The following UBE2D1 variants were observed in gnomAD, a reference collection of about 807,000 sequenced individuals.
The protein encoded by UBE2D1 is ubiquitin conjugating enzyme E2 D1, also known as ubiquitin-conjugating enzyme E2 D1.
In UBE2D1, 9 loss-of-function variants were observed where a neutral mutation model predicts 24.6. The ratio of observed to expected loss-of-function variants is 0.37; its 90% CI spans 0.22 to 0.64. UBE2D1 has a LOEUF of 0.64. Among genes scored for constraint, UBE2D1 ranks in the 30% least tolerant of loss-of-function variants. The pLI, the probability that UBE2D1 is intolerant of heterozygous loss-of-function variation, is 0.64. For missense variants in UBE2D1, 87 were observed against 177.1 expected, an observed-to-expected ratio of 0.49 and a Z score of 2.89; for synonymous variants, 57 against 57.6, an observed-to-expected ratio of 0.99 and a Z score of 0.04.
In UBE2D1 at chr10:58,361,021, T is replaced by C. The variant is rs1010097598; in HGVS notation, c.25-317T>C. 5.0e-5 allele frequency: 24 copies of C among 476,928 alleles called. No individual in the cohort carries two copies. The Middle Eastern group carries it at 9.5e-4, about 19-fold the overall frequency. The allele number at this position is 476,928 out of a possible 1,614,324, so 29.5% of individuals were successfully genotyped here. ...TTAAAATAGTACCTGTTTTCTGATA[T>C]ATTATCAACCTAGCATTTACATAAA... On this transcript the variant is annotated intron_variant, in intron 1 of 6. Coordinates refer to ENST00000373910, the MANE Select transcript of UBE2D1 (RefSeq NM_003338.5).
At position 58,335,242 on chromosome 10, in the gene UBE2D1, G is replaced by T; in HGVS notation, c.24+17G>T. On this transcript the variant is annotated intron_variant, in intron 1 of 6. Transcript: ENST00000373910. ...ATTCAGAAAGTGAGTGCCGGGGCCG[G>T]GCCTGGGGCTGCGGGGCAGCGGCCC... 1 of 1,529,792 alleles carries T rather than the reference G, an allele frequency of 6.5e-7. No individual in the cohort carries two copies. Among genetic ancestry groups the T allele is most frequent in the Non-Finnish European group, 8.8e-7 (1 of 1,140,472 alleles). 94.8% of individuals were successfully genotyped at this position (1,529,792 alleles called of 1,614,324 possible). A position where few individuals can be genotyped will look rare whatever the true frequency, so the allele number is the denominator to read the frequency against.
chr10:58,362,396 A>AT (rs1378146930), intron 3 of UBE2D1, among the ~76,000 whole-genome samples: 2 of 152,212 alleles, frequency 1.3e-5, no homozygotes, highest in East Asian at 3.8e-4. Flanking sequence ...GTTGTCTCAA[A>AT]TTATTGTTTT....
intron 1 of UBE2D1, among the ~76,000 whole-genome samples, chr10:58,351,063 C>A (rs1184022118): frequency 1.3e-5 from 2 of 152,116 alleles, no homozygotes; most frequent in African/African-American, 2.4e-5. Flanking sequence ...GGGCACTTAC[C>A]ATAAATGGAG....
intron 5 of UBE2D1, among the ~76,000 whole-genome samples, chr10:58,365,259 C>G (rs1296912660): frequency 6.6e-6 from 1 of 151,906 alleles, no homozygotes; most frequent in Non-Finnish European, 1.5e-5. Context: ...TGCTTGAGCC[C>G]GAGTTCGAGA....
chr10:58,362,922 T>A (rs1840216116), intron 3 of UBE2D1, among the ~76,000 whole-genome samples: 2 of 152,068 alleles, frequency 1.3e-5, no homozygotes, highest in Admixed American at 1.3e-4. Flanking sequence ...TTTTTTAAAA[T>A]TTTTTTGCTT....
chr10:58,350,617 A>G (rs1433222255), intron 1 of UBE2D1, among the ~76,000 whole-genome samples: 1 of 152,028 alleles, frequency 6.6e-6, no homozygotes, highest in African/African-American at 2.4e-5. Flanking sequence ...ATCAAGTCCA[A>G]ATTTTTCATT....
At chr10:58,344,185 C>T (rs1407063252) in intron 1 of UBE2D1, among the ~76,000 whole-genome samples, 4 of 152,196 alleles carry the variant, frequency 2.6e-5, no homozygotes, top group Non-Finnish European at 1.5e-5. Context: ...CTTCACTTAT[C>T]ACACTTTTGT....
At chr10:58,336,027 T>C (rs1368462666) in intron 1 of UBE2D1, among the ~76,000 whole-genome samples, 3 of 152,220 alleles carry the variant, frequency 2.0e-5, no homozygotes, top group African/African-American at 7.2e-5. Flanking sequence ...GGGTATAGAA[T>C]GAGGAAGAAA....
Position 58,335,040 on chromosome 10 carries a change from G to C in UBE2D1, c.-162G>C, listed in dbSNP as rs574194334. ...CGCACACTCGCGCTCGGGCGCACAC[G>C]GAGCAGGGACCGGCGCCCGGAGCGA... On this transcript the variant is annotated 5_prime_UTR_variant, in exon 1 of 7. Coordinates refer to ENST00000373910, the MANE Select transcript of UBE2D1 (RefSeq NM_003338.5). The C allele has an allele frequency of 6.0e-6, 4 of 664,512 alleles. No homozygotes were observed. Among genetic ancestry groups the C allele is most frequent in the Admixed American group, 6.8e-5 (2 of 29,544 alleles). 41.2% of individuals were successfully genotyped at this position (664,512 alleles called of 1,614,324 possible). A position where few individuals can be genotyped will look rare whatever the true frequency, so the allele number is the denominator to read the frequency against.
At chr10:58,357,506 T>TA in intron 1 of UBE2D1, among the ~76,000 whole-genome samples, 1 of 152,300 alleles carries the variant, frequency 6.6e-6, no homozygotes. Context: ...TGTCTAGTTG[T>TA]AGTTTCTATT....
intron 1 of UBE2D1, among the ~76,000 whole-genome samples, chr10:58,338,136 C>T (rs1839922994): frequency 6.6e-6 from 1 of 152,068 alleles, no homozygotes; most frequent in Non-Finnish European, 1.5e-5. Context: ...TGTGAGCCAC[C>T]ACACCCGGCC....
intron 1 of UBE2D1, among the ~76,000 whole-genome samples, chr10:58,335,670 G>GGGGT (rs1341538829): frequency 6.6e-6 from 1 of 152,208 alleles, no homozygotes; most frequent in Non-Finnish European, 1.5e-5. Flanking sequence ...CAAGGAAGGT[G>GGGGT]GGGTGGGCCT....
At chr10:58,337,065 G>T (rs1395691157) in intron 1 of UBE2D1, among the ~76,000 whole-genome samples, 1 of 151,936 alleles carries the variant, frequency 6.6e-6, no homozygotes, top group Non-Finnish European at 1.5e-5. Flanking sequence ...TAGTGTATTT[G>T]ATTTATATTT....
rs774396274 is a variant in UBE2D1, at chr10:58,347,639, C to CTTTT, written c.24+12431_24+12434dup. On this transcript the variant is annotated intron_variant, in intron 1 of 6. Transcript: ENST00000373910. ...TCAAGCTTTTATTCTAAATTACACTCTTTTTTTTTTTTTTTTTTTTGCCCC... is the reference window on the plus strand; with the variant it reads ...TCAAGCTTTTATTCTAAATTACACTCTTTTTTTTTTTTTTTTTTTTTTTTGCCCC... Among the ~76,000 whole-genome samples the CTTTT allele has an allele frequency of 1.3e-3, 150 of 116,218 alleles. 4 individuals carry two copies. Among genetic ancestry groups the CTTTT allele is most frequent in the South Asian group, 0.012 (43 of 3,550 alleles). 76.2% of individuals were successfully genotyped at this position (116,218 alleles called of 152,430 possible). A position where few individuals can be genotyped will look rare whatever the true frequency, so the allele number is the denominator to read the frequency against.
At chr10:58,340,481 G>A (rs1588996058) in intron 1 of UBE2D1, among the ~76,000 whole-genome samples, 1 of 152,220 alleles carries the variant, frequency 6.6e-6, no homozygotes, top group East Asian at 1.9e-4. Flanking sequence ...GAAGAGAACA[G>A]CCACATTCCC....
At chr10:58,355,959 A>G (rs986505652) in intron 1 of UBE2D1, among the ~76,000 whole-genome samples, 1 of 152,160 alleles carries the variant, frequency 6.6e-6, no homozygotes, top group Admixed American at 6.6e-5. Flanking sequence ...AATCTGTGAC[A>G]GTACCTCAGT....
intron 1 of UBE2D1, among the ~76,000 whole-genome samples, chr10:58,340,036 T>G (rs960446277): frequency 1.1e-4 from 17 of 152,176 alleles, no homozygotes; most frequent in African/African-American, 3.1e-4. Context: ...GTATGAAAAT[T>G]TAGTTTTCAA....
In UBE2D1 at chr10:58,335,158, A is replaced by C; in HGVS notation, c.-44A>C. 1 of 1,536,026 alleles carries C rather than the reference A, an allele frequency of 6.5e-7. No individual in the cohort carries two copies. Among genetic ancestry groups the C allele is most frequent in the East Asian group, 2.5e-5 (1 of 39,618 alleles). ...GACGACCCACGCCCCTGAGCCCCGCAGCCGACCCCTGCCGGCCGGTGTCCC... is the reference window on the plus strand; with the variant it reads ...GACGACCCACGCCCCTGAGCCCCGCCGCCGACCCCTGCCGGCCGGTGTCCC... On this transcript the variant is annotated 5_prime_UTR_variant, in exon 1 of 7. Coordinates refer to ENST00000373910, the MANE Select transcript of UBE2D1 (RefSeq NM_003338.5).
chr10:58,369,277 C>G lies in UBE2D1; in HGVS notation c.*512C>G, dbSNP rs1158840580. The G allele has an allele frequency of 1.3e-5, 2 of 152,488 alleles. No homozygotes were observed. Among genetic ancestry groups the G allele is most frequent in the African/African-American group, 4.8e-5 (2 of 41,424 alleles). 9.4% of individuals were successfully genotyped at this position (152,488 alleles called of 1,614,324 possible). A position where few individuals can be genotyped will look rare whatever the true frequency, so the allele number is the denominator to read the frequency against. On this transcript the variant is annotated 3_prime_UTR_variant, in exon 7 of 7. Transcript: ENST00000373910. The stretch of plus-strand genomic sequence containing the variant: ...GAACAGTATTGAAAAACCCCAACGG[C>G]TGATAATTAAGTGAATTAACTGTGT...
Sources: allele counts gnomAD v4.1 joint callset (sites outside exome capture counted in the v4.1 genomes callset), GRCh38; gene constraint gnomAD v4.1.1; transcripts MANE v1.5; gene names NCBI Gene and HGNC (gene_info 2026-07-23, HGNC 2026-07-21).